Variants in ITPR2 observed in about 807,000 individuals in gnomAD.
ITPR2 encodes inositol 1,4,5-trisphosphate receptor type 2.
ITPR2 carries 207 observed loss-of-function variants against 317.1 expected under a neutral mutation model. The observed-to-expected ratio is 0.65, with a 90% CI of 0.58 to 0.73. The LOEUF (loss-of-function observed/expected upper bound fraction) is 0.73. Among genes scored for constraint, ITPR2 ranks in the 30% least tolerant of loss-of-function variants. The pLI, the probability that ITPR2 is intolerant of heterozygous loss-of-function variation, is 0.00. For missense variants in ITPR2, 2,613 were observed against 3,284.0 expected (o/e 0.80, Z 4.99); for synonymous variants, 1,156 against 1,149.1 (o/e 1.01, Z -0.12).
At chr12:26,823,645 C>T (rs1333451915) in intron 1 of ITPR2, among the ~76,000 whole-genome samples, 2 of 152,138 alleles carry the variant, frequency 1.3e-5, no homozygotes, top group African/African-American at 4.8e-5. Flanking sequence ...TTAATATGGA[C>T]ACATTTTCAA....
At chr12:26,766,527 C>A (rs1034235496) in intron 2 of ITPR2, among the ~76,000 whole-genome samples, 6 of 152,000 alleles carry the variant, frequency 3.9e-5, no homozygotes, top group African/African-American at 1.5e-4. Flanking sequence ...AGTCCCTTAC[C>A]AGATAAATTA....
At chr12:26,549,792 A>C (rs1349524445) in intron 37 of ITPR2, among the ~76,000 whole-genome samples, 1 of 151,994 alleles carries the variant, frequency 6.6e-6, no homozygotes, top group Non-Finnish European at 1.5e-5. Flanking sequence ...ACTTACTAAA[A>C]TAGTATTATT....
chr12:26,344,622 C>T (rs1938245360), intron 55 of ITPR2, among the ~76,000 whole-genome samples: 1 of 146,444 alleles, frequency 6.8e-6, no homozygotes, highest in East Asian at 2.0e-4. Flanking sequence ...TAGCTGGTGC[C>T]ATTTGAGCCA....
At chr12:26,729,280 C>A (rs892622138) in intron 2 of ITPR2, among the ~76,000 whole-genome samples, 8 of 152,050 alleles carry the variant, frequency 5.3e-5, no homozygotes, top group African/African-American at 1.9e-4. Context: ...TCACATCAGT[C>A]AGAATGGCTA....
At chr12:26,503,167 T>A (rs546403017) in intron 37 of ITPR2, among the ~76,000 whole-genome samples, 1 of 109,862 alleles carries the variant, frequency 9.1e-6, no homozygotes, top group South Asian at 2.7e-4. Flanking sequence ...AACAATGGGG[T>A]AGAAGACCCA....
chr12:26,719,769 A>G (rs1399549626), intron 5 of ITPR2, among the ~76,000 whole-genome samples: 2 of 152,052 alleles, frequency 1.3e-5, no homozygotes, highest in Non-Finnish European at 2.9e-5. Context: ...CCACCCCACA[A>G]CAGTCCCTGG....
chr12:26,824,667 G>T (rs1217615046), intron 1 of ITPR2, among the ~76,000 whole-genome samples: 1 of 152,094 alleles, frequency 6.6e-6, no homozygotes, highest in East Asian at 1.9e-4. Context: ...AAAAGTAATA[G>T]ATGTTTAATT....
chr12:26,483,830 G>A lies in ITPR2; in HGVS notation c.5880C>T (p.Asp1960=), dbSNP rs1942598815. ...CACCGGTTGTACTTCCACAAATGCA[G>A]TCCAGAAACTGAAGGGTCTCACAGA... ...NLVCETLQFL[D]CICGSTTGGL... is the part of the protein sequence containing the mutation. Residue 1960 remains aspartate, a synonymous_variant, in exon 42 of 57, where the codon GAC becomes GAT. Transcript: ENST00000381340. 10 of 1,614,134 alleles carry A rather than the reference G, an allele frequency of 6.2e-6. No individual in the cohort carries two copies. In the East Asian group the frequency reaches 2.2e-4, roughly 36 times the overall value.
rs775756580 is a variant in ITPR2 at position 26,424,586 on chromosome 12, G to GTTTTTTTTTTTTTTTT, written c.6945+3311_6945+3326dup. ...TTTTTGGTTTTTGTTTTCGTTTTGT[G>GTTTTTTTTTTTTTTTT]TTTTTTTTTTTTTTTTTTTTTGAGA... On this transcript the variant is annotated intron_variant, in intron 49 of 56. Coordinates refer to ENST00000381340, the MANE Select transcript of ITPR2 (RefSeq NM_002223.4). Among the ~76,000 whole-genome samples the GTTTTTTTTTTTTTTTT allele has an allele frequency of 1.4e-4, 12 of 88,730 alleles. 1 individual carries two copies. Among genetic ancestry groups the GTTTTTTTTTTTTTTTT allele is most frequent in the East Asian group, 3.4e-4 (1 of 2,924 alleles). 58.2% of individuals were successfully genotyped at this position (88,730 alleles called of 152,430 possible).
At chr12:26,609,587 G>C (rs1035919551) in intron 26 of ITPR2, among the ~76,000 whole-genome samples, 6 of 151,636 alleles carry the variant, frequency 4.0e-5, no homozygotes, top group African/African-American at 7.3e-5. Flanking sequence ...CTGAATGACA[G>C]AGCAAGACCC....
At chr12:26,399,909 T>C (rs899068027) in intron 53 of ITPR2, among the ~76,000 whole-genome samples, 1 of 152,206 alleles carries the variant, frequency 6.6e-6, no homozygotes, top group East Asian at 1.9e-4. Flanking sequence ...ACAGATTAAC[T>C]TGGAAACATT....
chr12:26,390,670 T>C (rs1939804591), intron 54 of ITPR2, among the ~76,000 whole-genome samples: 1 of 152,176 alleles, frequency 6.6e-6, no homozygotes, highest in Non-Finnish European at 1.5e-5. Flanking sequence ...ATTATGGTGA[T>C]GGATGCACAA....
intron 1 of ITPR2, among the ~76,000 whole-genome samples, chr12:26,808,186 AAG>A (rs1950670851): frequency 6.6e-6 from 1 of 152,220 alleles, no homozygotes; most frequent in African/African-American, 2.4e-5. Context: ...GAAGCCAAGA[AAG>A]AGAGGCAAAA....
rs186391674 is a variant in ITPR2, at chr12:26,587,542, G to A, written c.4381-7387C>T. On this transcript the variant is annotated intron_variant, in intron 32 of 56. Transcript: ENST00000381340. ...TTTGGCATACCTGAGGAGTAGCAAGGAGGCCACAGTATGGAACAGATAGCT... is the reference window on the plus strand; with the variant it reads ...TTTGGCATACCTGAGGAGTAGCAAGAAGGCCACAGTATGGAACAGATAGCT... 1.8e-3 allele frequency among the ~76,000 whole-genome samples: 269 copies of A among 152,250 alleles called. 3 individuals are homozygous for A. Among genetic ancestry groups the A allele is most frequent in the East Asian group, 2.3e-3 (12 of 5,176 alleles).
intron 42 of ITPR2, among the ~76,000 whole-genome samples, chr12:26,482,406 T>C (rs1288799113): frequency 6.6e-6 from 1 of 152,222 alleles, no homozygotes; most frequent in African/African-American, 2.4e-5. Flanking sequence ...CTCTATTCCA[T>C]TCTCTTATGA....
intron 37 of ITPR2, among the ~76,000 whole-genome samples, chr12:26,513,502 C>A (rs1369929369): frequency 1.3e-5 from 2 of 152,062 alleles, no homozygotes; most frequent in Non-Finnish European, 2.9e-5. Flanking sequence ...CTGTCCTGGG[C>A]AGCTCCAGCT....
At chr12:26,520,143 T>C (rs1285459081) in intron 37 of ITPR2, among the ~76,000 whole-genome samples, 2 of 152,216 alleles carry the variant, frequency 1.3e-5, no homozygotes, top group African/African-American at 4.8e-5. Context: ...GAGATAGTTT[T>C]CTTAAGGTTT....
chr12:26,673,794 C>T (rs1947846070), intron 13 of ITPR2, among the ~76,000 whole-genome samples: 1 of 142,398 alleles, frequency 7.0e-6, no homozygotes, highest in Admixed American at 7.2e-5. Context: ...ATCTAGAAAA[C>T]CCCATTGTCT....
intron 55 of ITPR2, among the ~76,000 whole-genome samples, chr12:26,366,986 C>T (rs1939032631): frequency 6.6e-6 from 1 of 152,048 alleles, no homozygotes; most frequent in Non-Finnish European, 1.5e-5. Flanking sequence ...TTATTCAAAA[C>T]CTCAACTTCT....
Sources: gnomAD v4.1 joint callset for allele counts (sites outside exome capture counted in the v4.1 genomes callset) on GRCh38, gnomAD v4.1.1 for gene constraint, MANE v1.5 for transcripts, NCBI Gene and HGNC (gene_info 2026-07-23, HGNC 2026-07-21) for gene names.